The following RBBP8 variants were observed in gnomAD, a reference collection of about 807,000 sequenced individuals.
The protein encoded by RBBP8 is RB binding protein 8, endonuclease.
Under a neutral mutation model 108.3 loss-of-function variants are expected in RBBP8, and 88 were observed. The observed-to-expected ratio is 0.81, with a 90% CI of 0.68 to 0.97. RBBP8 has a LOEUF of 0.97. Among genes scored for constraint, RBBP8 ranks in the 50% least tolerant of loss-of-function variants. The probability of loss-of-function intolerance (pLI) is 0.00; values close to 1 mark genes in which losing one functional copy is unlikely to be tolerated. For missense variants in RBBP8, 1,023 were observed against 1,049.0 expected (o/e 0.98, Z 0.34); for synonymous variants, 332 against 348.2 (o/e 0.95, Z 0.52).
chr18:23,022,622 T>TAAAG (rs1568009969), intron 18 of RBBP8, among the ~76,000 whole-genome samples: 1 of 90,888 alleles, frequency 1.1e-5, no homozygotes, highest in Non-Finnish European at 2.6e-5. Context: ...TAAAATAAAA[T>TAAAG]AAAATAAAAT....
intron 16 of RBBP8, 98 bp from the exon 17 acceptor site, chr18:23,016,730 T>C (rs1305264948): frequency 7.5e-6 from 7 of 935,760 alleles, no homozygotes; most frequent in Non-Finnish European, 1.2e-5. Flanking sequence ...TTTTCTAACA[T>C]ACTGAATAAA....
In RBBP8 at chr18:22,993,722, G is replaced by T; in HGVS notation, c.1814G>T (p.Ser605Ile). The change falls in exon 12 of 19, where the codon AGT becomes ATT. Residue 605 changes from serine to isoleucine, a missense_variant and splice_region_variant. Physicochemically the swap from Ser to Ile is moderately radical, Grantham distance 142. Transcript: ENST00000327155. ...AGCTAACAATTATTTCTGTTTTAGA[G>T]TGCTGGTTCTCATGAGCCAATAAAA... is the stretch of plus-strand genomic sequence containing the variant. ...ETENVLDDIKSAGSHEPIKIQ... is the reference protein window; with the variant it reads ...ETENVLDDIKIAGSHEPIKIQ... 6.2e-7 allele frequency: 1 copy of T among 1,614,188 alleles called. No homozygotes were observed. The highest frequency in any genetic ancestry group is 1.7e-5 in the Admixed American group (1 of 60,022).
At chr18:22,990,860 A>G in intron 9 of RBBP8, 77 bp from the exon 10 acceptor site, 7 of 1,079,410 alleles carry the variant, frequency 6.5e-6, no homozygotes, top group Non-Finnish European at 9.9e-6. Flanking sequence ...ACATCATAAC[A>G]TATATCAGTA....
At chr18:23,011,554 A>C (rs904539549) in intron 16 of RBBP8, among the ~76,000 whole-genome samples, 2 of 150,402 alleles carry the variant, frequency 1.3e-5, no homozygotes, top group African/African-American at 4.9e-5. Flanking sequence ...CTCCTGCCTC[A>C]GCCTCCTGTG....
At chr18:22,964,342 T>A (rs1386506766) in intron 4 of RBBP8, among the ~76,000 whole-genome samples, 1 of 151,614 alleles carries the variant, frequency 6.6e-6, no homozygotes, top group Non-Finnish European at 1.5e-5. Context: ...TTTGTATAGA[T>A]CTGTTAACAT....
At chr18:22,978,180 G>C (rs539399189) in intron 6 of RBBP8, among the ~76,000 whole-genome samples, 1 of 152,306 alleles carries the variant, frequency 6.6e-6, no homozygotes, top group Non-Finnish European at 1.5e-5. Flanking sequence ...ACAGACTCAT[G>C]AAGGGAAACC....
intron 2 of RBBP8, among the ~76,000 whole-genome samples, chr18:22,940,711 A>G (rs1447713235): frequency 2.0e-5 from 3 of 152,126 alleles, no homozygotes; most frequent in Admixed American, 6.5e-5. Flanking sequence ...CAGTGGCACA[A>G]TCATGGTTCG....
Position 22,987,382 on chromosome 18 carries a change from A to G in RBBP8, c.710-1839A>G, listed in dbSNP as rs141607903. On this transcript the variant is annotated intron_variant, in intron 8 of 18. Transcript: ENST00000327155. The stretch of plus-strand genomic sequence containing the variant: ...ACTCCTTACACTGGAACTGATTCTG[A>G]CTGTAAACGTCGTCAGTGTTGCTCT... Among the ~76,000 whole-genome samples, 609 of 152,276 alleles carry G rather than the reference A, an allele frequency of 4.0e-3. 6 individuals are homozygous for G. The highest frequency in any genetic ancestry group is 0.014 in the African/African-American group (576 of 41,560).
intron 1 of RBBP8, among the ~76,000 whole-genome samples, chr18:22,935,957 C>T (rs754891164): frequency 6.6e-6 from 1 of 152,044 alleles, no homozygotes; most frequent in Non-Finnish European, 1.5e-5. Flanking sequence ...TTATACAGAT[C>T]CTCATCTGTG....
intron 4 of RBBP8, among the ~76,000 whole-genome samples, chr18:22,956,962 A>T (rs1223474388): frequency 6.6e-6 from 1 of 152,120 alleles, no homozygotes; most frequent in African/African-American, 2.4e-5. Context: ...TTTTTTGAAA[A>T]TCTGAACAAA....
intron 1 of RBBP8, among the ~76,000 whole-genome samples, chr18:22,914,938 G>C (rs1909296246): frequency 6.6e-6 from 1 of 152,062 alleles, no homozygotes; most frequent in Non-Finnish European, 1.5e-5. Flanking sequence ...AGAATACCTG[G>C]ATCTTCCTTT....
chr18:23,021,989 TATC>T (rs926325905), intron 17 of RBBP8, 137 bp from the exon 18 acceptor site: 3 of 692,366 alleles, frequency 4.3e-6, no homozygotes, highest in Non-Finnish European at 7.6e-6. Context: ...TTACTAATAG[TATC>T]ATCAATGAGG....
chr18:22,998,101 C>T (rs1210361877), intron 14 of RBBP8, among the ~76,000 whole-genome samples: 2 of 151,990 alleles, frequency 1.3e-5, no homozygotes, highest in East Asian at 3.9e-4. Context: ...ACCTTATAGC[C>T]CCACAAGCCT....
chr18:23,016,021 T>C (rs2046249688), intron 16 of RBBP8, among the ~76,000 whole-genome samples: 1 of 152,138 alleles, frequency 6.6e-6, no homozygotes, highest in Non-Finnish European at 1.5e-5. Flanking sequence ...GCGGTTCTTG[T>C]GCCTCAGCCT....
intron 13 of RBBP8, 129 bp downstream of exon 13, chr18:22,996,591 G>A: frequency 6.9e-7 from 1 of 1,439,376 alleles, no homozygotes; most frequent in Non-Finnish European, 9.2e-7. Context: ...ATGTATTTAT[G>A]CAGAAAATTA....
intron 17 of RBBP8, 44 bp downstream of exon 17, chr18:23,016,968 T>A (rs765902224): frequency 6.7e-6 from 9 of 1,334,946 alleles, no homozygotes; most frequent in East Asian, 4.7e-5. Context: ...AGTACGGCTT[T>A]ATAGATAATA....
chr18:22,976,240 A>G (rs1914489174), intron 6 of RBBP8, among the ~76,000 whole-genome samples: 1 of 152,168 alleles, frequency 6.6e-6, no homozygotes, highest in Non-Finnish European at 1.5e-5. Flanking sequence ...TCTACTGAAT[A>G]CTGATAGCCA....
In RBBP8 at chr18:22,992,807, C is replaced by T; in HGVS notation, c.980C>T (p.Ser327Phe). 1 of 1,607,762 alleles carries T rather than the reference C, an allele frequency of 6.2e-7. No individual in the cohort carries two copies. Among genetic ancestry groups the T allele is most frequent in the Non-Finnish European group, 8.5e-7 (1 of 1,174,454 alleles). ...PQEELPTRVS[S>F]PVFGATSSIK... is the part of the protein sequence containing the mutation. ...GAAGAATTACCTACTCGAGTGTCAT[C>T]TCCTGTATTTGGAGCTACCTCTAGT... Residue 327 changes from serine to phenylalanine, a missense_variant, in exon 11 of 19, where the codon TCT becomes TTT. Transcript: ENST00000327155.
intron 16 of RBBP8, among the ~76,000 whole-genome samples, chr18:23,010,386 G>C (rs1344699143): frequency 3.3e-5 from 5 of 152,170 alleles, no homozygotes; most frequent in African/African-American, 1.2e-4. Context: ...AGAATCGCTT[G>C]AGCCCAGGAG....
Sources: gnomAD v4.1 joint callset for allele counts (sites outside exome capture counted in the v4.1 genomes callset) on GRCh38, gnomAD v4.1.1 for gene constraint, MANE v1.5 for transcripts, NCBI Gene and HGNC (gene_info 2026-07-23, HGNC 2026-07-21) for gene names.